Variants in MROH9 observed in about 807,000 individuals in gnomAD.
The protein encoded by MROH9 is maestro heat like repeat family member 9, also known as maestro heat-like repeat-containing protein family member 9.
MROH9 carries 92 observed loss-of-function variants against 98.2 expected under a neutral mutation model. The observed-to-expected ratio is 0.94, with a 90% CI of 0.79 to 1.11. The LOEUF (loss-of-function observed/expected upper bound fraction) is 1.11. MROH9 is among the 50% of genes most tolerant of loss of function. The pLI is 0.00. For synonymous variants in MROH9, 397 were observed against 368.9 expected (o/e 1.08, Z -0.87); for missense variants, 1,057 against 1,014.8 (o/e 1.04, Z -0.57).
At chr1:171,035,064 A>G (rs1653051126) in intron 20 of MROH9, among the ~76,000 whole-genome samples, 1 of 152,188 alleles carries the variant, frequency 6.6e-6, no homozygotes, top group South Asian at 2.1e-4. Flanking sequence ...ATAAAACACA[A>G]ATATTTAAAA....
At chr1:170,952,808 G>A (rs1300380643) in intron 3 of MROH9, among the ~76,000 whole-genome samples, 2 of 151,684 alleles carry the variant, frequency 1.3e-5, no homozygotes, top group African/African-American at 4.8e-5. Context: ...CAATGCCTTT[G>A]ACAGATGGCA....
chr1:170,981,979 C>T (rs1650948776), intron 8 of MROH9, among the ~76,000 whole-genome samples: 1 of 152,114 alleles, frequency 6.6e-6, no homozygotes. Flanking sequence ...AGCTCACATA[C>T]ATTGCGGGTG....
chr1:170,978,333 G>T (rs1650794937), intron 8 of MROH9, among the ~76,000 whole-genome samples: 1 of 152,136 alleles, frequency 6.6e-6, no homozygotes, highest in African/African-American at 2.4e-5. Flanking sequence ...AGCAGGGATA[G>T]AACTCTGCTG....
chr1:170,961,871 C>A lies in MROH9; in HGVS notation c.289-19C>A. 2 of 1,282,374 alleles carry A rather than the reference C, an allele frequency of 1.6e-6. No homozygotes were observed. The highest frequency in any genetic ancestry group is 2.1e-6 in the Non-Finnish European group (2 of 936,492). 79.4% of individuals were successfully genotyped at this position (1,282,374 alleles called of 1,614,324 possible). A position where few individuals can be genotyped will look rare whatever the true frequency, so the allele number is the denominator to read the frequency against. ...TTTTATCTAAGTCTGGCTGACTGTG[C>A]AATGTTTTTGTGTTTCAGAATTTAT... On this transcript the variant is annotated intron_variant, in intron 5 of 21. Coordinates refer to ENST00000367759, the MANE Select transcript of MROH9 (RefSeq NM_001163629.2).
At chr1:170,974,021 T>A (rs1433714560) in intron 8 of MROH9, among the ~76,000 whole-genome samples, 1 of 152,168 alleles carries the variant, frequency 6.6e-6, no homozygotes, top group Non-Finnish European at 1.5e-5. Flanking sequence ...AATTACAATA[T>A]CTGAGAAGAA....
intron 7 of MROH9, among the ~76,000 whole-genome samples, chr1:170,969,343 G>A (rs1054470295): frequency 6.6e-6 from 1 of 152,158 alleles, no homozygotes; most frequent in Admixed American, 6.5e-5. Context: ...CATTTTGTAT[G>A]ATTCTACTTA....
At chr1:171,005,268 ACAATGTTACCCAGG>A (rs915788163) in intron 15 of MROH9, among the ~76,000 whole-genome samples, 2 of 152,058 alleles carry the variant, frequency 1.3e-5, no homozygotes, top group African/African-American at 2.4e-5. Flanking sequence ...TTTGGGTTTC[ACAATGTTACCCAGG>A]TTGATCTCAA....
intron 8 of MROH9, among the ~76,000 whole-genome samples, chr1:170,975,526 G>T (rs1188644008): frequency 6.6e-6 from 1 of 152,042 alleles, no homozygotes; most frequent in Non-Finnish European, 1.5e-5. Context: ...TACCCATTAG[G>T]TCCTTTCTCA....
At chr1:171,060,585 T>A (rs1355009504) in intron 20 of MROH9, among the ~76,000 whole-genome samples, 7 of 152,180 alleles carry the variant, frequency 4.6e-5, no homozygotes, top group Admixed American at 4.6e-4. Flanking sequence ...ATAGACAGAA[T>A]AGAATCAAGA....
intron 15 of MROH9, among the ~76,000 whole-genome samples, chr1:171,006,392 C>G (rs1280624954): frequency 6.6e-6 from 1 of 152,064 alleles, no homozygotes; most frequent in African/African-American, 2.4e-5. Context: ...TAATGTGTCT[C>G]AGATAATTCT....
chr1:170,935,982 CAAAAAAAA>C lies in MROH9; in HGVS notation c.-38+414_-38+421del, dbSNP rs59883013. Among the ~76,000 whole-genome samples, 76 of 62,250 alleles carry C rather than the reference CAAAAAAAA, an allele frequency of 1.2e-3. 1 individual carries two copies. The highest frequency in any genetic ancestry group is 3.3e-3 in the East Asian group (5 of 1,508). 40.8% of individuals were successfully genotyped at this position (62,250 alleles called of 152,430 possible). A position where few individuals can be genotyped will look rare whatever the true frequency, so the allele number is the denominator to read the frequency against. On this transcript the variant is annotated intron_variant, in intron 1 of 21. Transcript: ENST00000367759. ...ACTCCAGCCTGGCAACAGAGTGAGA[CAAAAAAAA>C]AAAAAAAAAAAAAAAAAAGAAAAGA... is the stretch of plus-strand genomic sequence containing the variant.
At chr1:170,961,816 C>A in intron 5 of MROH9, 74 bp from the exon 6 acceptor site, 1 of 651,118 alleles carries the variant, frequency 1.5e-6, no homozygotes, top group Non-Finnish European at 2.4e-6. Flanking sequence ...AACTTTTAAG[C>A]AAGAAAAAAA....
At chr1:170,943,141 A>G (rs557273179) in intron 1 of MROH9, among the ~76,000 whole-genome samples, 8 of 152,112 alleles carry the variant, frequency 5.3e-5, no homozygotes, top group Non-Finnish European at 1.2e-4. Context: ...AAAAAAATCA[A>G]TGACAAAAAC....
In MROH9 at chr1:171,013,783, A is replaced by G. The variant is rs1472641856; in HGVS notation, c.1597-334A>G. On this transcript the variant is annotated intron_variant, in intron 15 of 21. Coordinates refer to ENST00000367759, the MANE Select transcript of MROH9 (RefSeq NM_001163629.2). ...TTAGCATATGTAGACATACACTGTG[A>G]AGAAACTCACAACCTGACTACAATC... Among the ~76,000 whole-genome samples, 3 of 151,986 alleles carry G rather than the reference A, an allele frequency of 2.0e-5. No individual in the cohort carries two copies. The South Asian group carries it at 6.2e-4, about 32-fold the overall frequency.
chr1:171,061,839 G>A (rs1654025182), intron 20 of MROH9, among the ~76,000 whole-genome samples: 1 of 152,178 alleles, frequency 6.6e-6, no homozygotes, highest in African/African-American at 2.4e-5. Context: ...AGCCTTGAAG[G>A]AAGCTTCTAG....
At chr1:171,028,159 G>A (rs1353961899) in intron 20 of MROH9, among the ~76,000 whole-genome samples, 1 of 152,174 alleles carries the variant, frequency 6.6e-6, no homozygotes, top group African/African-American at 2.4e-5. Context: ...GGTTTTGAGG[G>A]TTTGGGGTTT....
At chr1:170,935,768 C>T (rs11487554) in intron 1 of MROH9, among the ~76,000 whole-genome samples, 181 bp downstream of exon 1, 3,650 of 151,622 alleles carry the variant, frequency 0.024, 149 homozygotes, top group African/African-American at 0.079. Context: ...AGGCTGTGGG[C>T]GGATCATGAG....
chr1:170,941,477 G>A (rs943376541), intron 1 of MROH9, among the ~76,000 whole-genome samples: 1 of 151,906 alleles, frequency 6.6e-6, no homozygotes, highest in African/African-American at 2.4e-5. Flanking sequence ...AATTTAATAG[G>A]CCTCCTATCT....
At chr1:171,024,303 G>GGTGT (rs3077629) in intron 17 of MROH9, 92 bp from the exon 18 acceptor site, 14,911 of 666,816 alleles carry the variant, frequency 0.022, 95 homozygotes, top group East Asian at 0.13. Flanking sequence ...ATTTATATGG[G>GGTGT]GTGTGTGTGT....
Sources: gnomAD v4.1 joint callset for allele counts (sites outside exome capture counted in the v4.1 genomes callset) on GRCh38, gnomAD v4.1.1 for gene constraint, MANE v1.5 for transcripts, NCBI Gene and HGNC (gene_info 2026-07-23, HGNC 2026-07-21) for gene names.